The following PRKN variants were observed in gnomAD, a reference collection of about 807,000 sequenced individuals.
The protein encoded by PRKN is parkin RBR E3 ubiquitin protein ligase, also known as E3 ubiquitin-protein ligase parkin.
PRKN carries 56 observed loss-of-function variants against 59.5 expected under a neutral mutation model. The observed-to-expected ratio is 0.94, with a 90% CI of 0.76 to 1.18. The LOEUF (loss-of-function observed/expected upper bound fraction) is 1.18. PRKN is among the 50% of genes most tolerant of loss of function. PRKN has a pLI of 0.00. For missense variants in PRKN, 657 were observed against 596.4 expected (o/e 1.10, Z -1.06); for synonymous variants, 250 against 222.1 (o/e 1.13, Z -1.12).
chr6:161,927,773 T>TAAA (rs933418797), intron 6 of PRKN, among the ~76,000 whole-genome samples: 1 of 143,994 alleles, frequency 6.9e-6, no homozygotes. Context: ...AAACTCTGTT[T>TAAA]AAAAAAAAAA....
At chr6:161,714,536 T>A (rs1786891891) in intron 7 of PRKN, among the ~76,000 whole-genome samples, 1 of 152,142 alleles carries the variant, frequency 6.6e-6, no homozygotes. Context: ...GAGCTCAGGG[T>A]GATAAATTTC....
Position 161,490,171 on chromosome 6 carries a change from A to G in PRKN, c.1083+58683T>C, listed in dbSNP as rs879897918. On this transcript the variant is annotated intron_variant, in intron 9 of 11. Transcript: ENST00000366898. ...AGAGGAGCTGACAAACATAAGGCCA[A>G]GGAGTATCCCTGGTCACAAAGGCTT... is the stretch of plus-strand genomic sequence containing the variant. Among the ~76,000 whole-genome samples, 79 of 152,344 alleles carry G rather than the reference A, an allele frequency of 5.2e-4. No individual in the cohort carries two copies. In the Middle Eastern group the frequency reaches 0.01, roughly 20 times the overall value.
chr6:162,579,592 C>T (rs1381546046), intron 1 of PRKN, among the ~76,000 whole-genome samples: 3 of 151,646 alleles, frequency 2.0e-5, no homozygotes, highest in Non-Finnish European at 2.9e-5. Flanking sequence ...CAAGTTCACA[C>T]GTGCACAGAT....
At chr6:162,364,105 G>C (rs535407429) in intron 2 of PRKN, among the ~76,000 whole-genome samples, 19 of 152,156 alleles carry the variant, frequency 1.2e-4, no homozygotes, top group Non-Finnish European at 2.4e-4. Flanking sequence ...GCCTGATACA[G>C]TAGCAGGCTC....
chr6:162,703,980 T>C (rs1778249060), intron 1 of PRKN, among the ~76,000 whole-genome samples: 1 of 152,112 alleles, frequency 6.6e-6, no homozygotes, highest in African/African-American at 2.4e-5. Context: ...ACAGACAGCA[T>C]TTGCAGGGAG....
intron 4 of PRKN, among the ~76,000 whole-genome samples, chr6:162,155,168 G>T (rs907997030): frequency 3.3e-5 from 5 of 151,276 alleles, no homozygotes; most frequent in African/African-American, 1.2e-4. Flanking sequence ...CCCATTAGGA[G>T]ATGAACAAAA....
At chr6:161,633,995 TAAACAC>T (rs901792604) in intron 7 of PRKN, among the ~76,000 whole-genome samples, 1 of 66,304 alleles carries the variant, frequency 1.5e-5, no homozygotes, top group African/African-American at 6.7e-5. Flanking sequence ...ATGGAAAACT[TAAACAC>T]ACACACACAC....
At chr6:162,118,609 G>C (rs907337932) in intron 4 of PRKN, among the ~76,000 whole-genome samples, 1 of 152,158 alleles carries the variant, frequency 6.6e-6, no homozygotes, top group African/African-American at 2.4e-5. Flanking sequence ...TCCTAACCTT[G>C]AAATGCCCAA....
At chr6:162,176,232 A>G (rs928559212) in intron 4 of PRKN, among the ~76,000 whole-genome samples, 2 of 152,198 alleles carry the variant, frequency 1.3e-5, no homozygotes, top group Non-Finnish European at 2.9e-5. Flanking sequence ...ATCCCTGAAG[A>G]GCCAAGAAAA....
intron 4 of PRKN, among the ~76,000 whole-genome samples, chr6:162,156,609 C>T (rs1470824637): frequency 6.6e-6 from 1 of 152,146 alleles, no homozygotes; most frequent in Non-Finnish European, 1.5e-5. Flanking sequence ...TCTGCTGCTG[C>T]TTTATTATGG....
At chr6:162,131,826 T>G (rs1221696202) in intron 4 of PRKN, among the ~76,000 whole-genome samples, 1 of 152,222 alleles carries the variant, frequency 6.6e-6, no homozygotes, top group African/African-American at 2.4e-5. Context: ...TGTTTATTCA[T>G]CATCCATTTC....
At chr6:162,632,128 T>C (rs912690521) in intron 1 of PRKN, among the ~76,000 whole-genome samples, 1 of 152,092 alleles carries the variant, frequency 6.6e-6, no homozygotes, top group African/African-American at 2.4e-5. Flanking sequence ...AACAGAGCTA[T>C]CATTTAACCC....
intron 4 of PRKN, among the ~76,000 whole-genome samples, chr6:162,104,291 A>G (rs747669290): frequency 8.5e-5 from 13 of 152,162 alleles, no homozygotes; most frequent in Non-Finnish European, 1.9e-4. Context: ...CTGAACACAC[A>G]CATTCCACTG....
At chr6:161,569,917 A>G (rs1231419234) in intron 7 of PRKN, among the ~76,000 whole-genome samples, 5 of 152,010 alleles carry the variant, frequency 3.3e-5, no homozygotes, top group African/African-American at 1.2e-4. Flanking sequence ...GCTGGCGGTT[A>G]GTACCTTGCC....
At position 161,461,304 on chromosome 6, in the gene PRKN, A is replaced by T. The variant is rs1457921083; in HGVS notation, c.1084-74427T>A. 1.3e-5 allele frequency among the ~76,000 whole-genome samples: 2 copies of T among 152,100 alleles called. No homozygotes were observed. The highest frequency in any genetic ancestry group is 2.9e-5 in the Non-Finnish European group (2 of 68,030). ...TAAGTATAAGGTGTCGCTGGAGATGAGGGGGATGGTGGAGAGGGAGGGTAG... is the reference window on the plus strand; with the variant it reads ...TAAGTATAAGGTGTCGCTGGAGATGTGGGGGATGGTGGAGAGGGAGGGTAG... On this transcript the variant is annotated intron_variant, in intron 9 of 11. Coordinates refer to ENST00000366898, the MANE Select transcript of PRKN (RefSeq NM_004562.3). The surrounding 1 kb of genome is among the most constrained non-coding windows in gnomAD (Gnocchi z 5.1).
chr6:162,310,521 C>A (rs1370688044), intron 2 of PRKN, among the ~76,000 whole-genome samples: 1 of 151,900 alleles, frequency 6.6e-6, no homozygotes, highest in African/African-American at 2.4e-5. Flanking sequence ...TGTTTTCTGC[C>A]TGGGGCATTC....
At chr6:161,972,212 T>G (rs1055918854) in intron 6 of PRKN, among the ~76,000 whole-genome samples, 1 of 148,954 alleles carries the variant, frequency 6.7e-6, no homozygotes, top group Non-Finnish European at 1.5e-5. Flanking sequence ...AGGCGGAGGT[T>G]GCAGTGAGCC....
intron 4 of PRKN, among the ~76,000 whole-genome samples, chr6:162,126,756 C>T (rs1781142467): frequency 6.6e-6 from 1 of 152,090 alleles, no homozygotes; most frequent in Non-Finnish European, 1.5e-5. Context: ...TCTTCTATGC[C>T]CCAGTGTCTG....
chr6:161,815,983 G>A (rs1015179535), intron 6 of PRKN, among the ~76,000 whole-genome samples: 25 of 152,184 alleles, frequency 1.6e-4, no homozygotes, highest in Admixed American at 5.2e-4. Flanking sequence ...AGGAGATCCA[G>A]CCATTCTTCT....
Sources: allele counts gnomAD v4.1 joint callset (sites outside exome capture counted in the v4.1 genomes callset), GRCh38; gene constraint gnomAD v4.1.1; non-coding constraint Gnocchi (gnomAD v3.1); transcripts MANE v1.5; gene names NCBI Gene and HGNC (gene_info 2026-07-23, HGNC 2026-07-21).